Variants in MYC observed in about 807,000 individuals in gnomAD.
The protein encoded by MYC is MYC proto-oncogene, bHLH transcription factor, also known as myc proto-oncogene protein.
In MYC, 1 loss-of-function variant was observed where a neutral mutation model predicts 30.5. That is an observed-to-expected ratio of 0.03 (90% CI 0.01 to 0.16). The LOEUF is 0.16. MYC is among the 10% of genes least tolerant of loss of function. The pLI is 1.00. For synonymous variants in MYC, 267 were observed against 250.7 expected (o/e 1.07, Z -0.62); for missense variants, 508 against 589.0 (o/e 0.86, Z 1.42).
rs1813637633 is a variant in MYC, at chr8:127,738,164, G to A, written c.31-84G>A. On this transcript the variant is annotated intron_variant, in intron 1 of 2. Coordinates refer to ENST00000621592, the MANE Select transcript of MYC (RefSeq NM_002467.6). The surrounding 1 kb of genome is among the most constrained non-coding windows in gnomAD (Gnocchi z 7.6). ...GCAAGGGGAGAGGTTCGGGACTGTG[G>A]CGCGCACTGCGCGCTGCGCCAGGTT... 8.1e-6 allele frequency: 12 copies of A among 1,479,958 alleles called. No individual in the cohort carries two copies. The Admixed American group carries it at 2.2e-4, about 27-fold the overall frequency. The allele number at this position is 1,479,958 out of a possible 1,614,324, so 91.7% of individuals were successfully genotyped here.
rs975108386 is a variant in MYC, at chr8:127,741,136, A to G, written c.*178A>G. On this transcript the variant is annotated 3_prime_UTR_variant, in exon 3 of 3. Transcript: ENST00000621592. ...ACTTTGGGCATAAAAGAACTTTTTT[A>G]TGCTTACCATCTTTTTTTTTTCTTT... is the stretch of plus-strand genomic sequence containing the variant. 1 of 445,618 alleles carries G rather than the reference A, an allele frequency of 2.2e-6. No individual in the cohort carries two copies. Among genetic ancestry groups the G allele is most frequent in the African/African-American group, 2.0e-5 (1 of 49,824 alleles). 27.6% of individuals were successfully genotyped at this position (445,618 alleles called of 1,614,324 possible). A position where few individuals can be genotyped will look rare whatever the true frequency, so the allele number is the denominator to read the frequency against.
chr8:127,737,387 G>A (rs1402982562), intron 1 of MYC, among the ~76,000 whole-genome samples: 1 of 152,176 alleles, frequency 6.6e-6, no homozygotes, highest in African/African-American at 2.4e-5. Context: ...CCCCTGCCGC[G>A]GCCGCCCTCG....
Position 127,738,630 on chromosome 8 carries a change from C to T in MYC, c.413C>T (p.Thr138Ile), listed in dbSNP as rs773098170. ...TTCATCTGCGACCCGGACGACGAGA[C>T]CTTCATCAAAAACATCATCATCCAG... Residue 138 changes from threonine to isoleucine, a missense_variant, in exon 2 of 3, where the codon ACC becomes ATC. Around this residue, in one of 5 missense-constraint regions of MYC, gnomAD observed 364 missense variants for 381.1 expected, o/e 0.96. Transcript: ENST00000621592. The surrounding 1 kb of genome is among the most constrained non-coding windows in gnomAD (Gnocchi z 7.6). 1 of 1,612,986 alleles carries T rather than the reference C, an allele frequency of 6.2e-7. No homozygotes were observed. The highest frequency in any genetic ancestry group is 1.1e-5 in the South Asian group (1 of 90,954).
Position 127,738,166 on chromosome 8 carries a change from G to A in MYC, c.31-82G>A, listed in dbSNP as rs1016210347. On this transcript the variant is annotated intron_variant, in intron 1 of 2. Coordinates refer to ENST00000621592, the MANE Select transcript of MYC (RefSeq NM_002467.6). This position sits in a 1 kb window ranked among gnomAD's most constrained non-coding sequence, Gnocchi z 7.6. The stretch of plus-strand genomic sequence containing the variant: ...AAGGGGAGAGGTTCGGGACTGTGGC[G>A]CGCACTGCGCGCTGCGCCAGGTTTC... 1 of 1,481,908 alleles carries A rather than the reference G, an allele frequency of 6.7e-7. No homozygotes were observed. Among genetic ancestry groups the A allele is most frequent in the Non-Finnish European group, 9.0e-7 (1 of 1,108,704 alleles). 91.8% of individuals were successfully genotyped at this position (1,481,908 alleles called of 1,614,324 possible).
chr8:127,739,214 T>C (rs1482804221), intron 2 of MYC, among the ~76,000 whole-genome samples, 195 bp downstream of exon 2: 1 of 152,214 alleles, frequency 6.6e-6, no homozygotes, highest in Non-Finnish European at 1.5e-5. Flanking sequence ...CTGCCCATGT[T>C]TGCAGCCCCC....
At chr8:127,735,707 G>A (rs3824120), upstream of MYC, 1 of 398,852 alleles carries the variant, frequency 2.5e-6, no homozygotes, top group African/African-American at 2.1e-5. Context: ...GTGCGTTCTC[G>A]GTGTGGAGGG....
chr8:127,736,306 C>CAG lies in MYC; in HGVS notation c.-285_-284dup, dbSNP rs1813587480. On this transcript the variant is annotated 5_prime_UTR_variant, in exon 1 of 3. Transcript: ENST00000621592. ...GGCTAGGGTGGAAGAGCCGGGCGAGCAGAGCTGCGCTGCGGGCGTCCTGGG... is the reference window on the plus strand; with the variant it reads ...GGCTAGGGTGGAAGAGCCGGGCGAGCAGAGAGCTGCGCTGCGGGCGTCCTGGG... 1 of 561,162 alleles carries CAG rather than the reference C, an allele frequency of 1.8e-6. No homozygotes were observed. The highest frequency in any genetic ancestry group is 3.4e-5 in the Admixed American group (1 of 29,600). 34.8% of individuals were successfully genotyped at this position (561,162 alleles called of 1,614,324 possible). A position where few individuals can be genotyped will look rare whatever the true frequency, so the allele number is the denominator to read the frequency against.
In MYC at chr8:127,742,333, C is replaced by A. The variant is rs953234060; in HGVS notation, c.*1375C>A. On this transcript the variant is annotated 3_prime_UTR_variant, in exon 3 of 3. Transcript: ENST00000621592. ...GGAAAAGTGGAAGCGAGATTTGAACCCAGGCTGTTTACTCCTAACCTGTCC... is the reference window on the plus strand; with the variant it reads ...GGAAAAGTGGAAGCGAGATTTGAACACAGGCTGTTTACTCCTAACCTGTCC... Among the ~76,000 whole-genome samples the A allele has an allele frequency of 3.3e-5, 5 of 152,144 alleles. No homozygotes were observed. Among genetic ancestry groups the A allele is most frequent in the Admixed American group, 3.3e-4 (5 of 15,268 alleles).
chr8:127,735,549 C>T, upstream of MYC: 1 of 399,280 alleles, frequency 2.5e-6, no homozygotes, highest in Non-Finnish European at 4.4e-6. Flanking sequence ...CCTATCTACA[C>T]TAACATCCCA....
chr8:127,740,022 G>A (rs1813681397), intron 2 of MYC, among the ~76,000 whole-genome samples: 3 of 149,996 alleles, frequency 2.0e-5, no homozygotes, highest in African/African-American at 7.4e-5. Context: ...CTAGGCTGGA[G>A]TGCAGTGGCG....
At position 127,740,588 on chromosome 8, in the gene MYC, A is replaced by C; in HGVS notation, c.995A>C (p.Lys332Thr). Reference sequence around the variant, plus strand: ...TACGCAGCGCCTCCCTCCACTCGGAAGGACTATCCTGCTGCCAAGAGGGTC... The same window carrying C: ...TACGCAGCGCCTCCCTCCACTCGGACGGACTATCCTGCTGCCAAGAGGGTC... The change falls in exon 3 of 3, where the codon AAG becomes ACG. Residue 332 changes from lysine (K) to threonine (T), a missense_variant. This residue lies in a region of MYC where 364 missense variants were observed against 381.1 expected (regional missense o/e 0.96). Coordinates refer to ENST00000621592, the MANE Select transcript of MYC (RefSeq NM_002467.6). 1 of 1,614,084 alleles carries C rather than the reference A, an allele frequency of 6.2e-7. No homozygotes were observed. Among genetic ancestry groups the C allele is most frequent in the Non-Finnish European group, 8.5e-7 (1 of 1,180,016 alleles).
Position 127,741,464 on chromosome 8 carries a change from C to T in MYC, c.*506C>T, listed in dbSNP as rs991092766. 1.4e-5 allele frequency: 3 copies of T among 207,674 alleles called. No homozygotes were observed. The highest frequency in any genetic ancestry group is 2.3e-5 in the African/African-American group (1 of 44,224). 12.9% of individuals were successfully genotyped at this position (207,674 alleles called of 1,614,324 possible). Reference sequence around the variant, plus strand: ...TGAATGTTTTGTTTCGTTTCTTCCCCCTCCCAACCACCACCATCCCTGTTT... The same window carrying T: ...TGAATGTTTTGTTTCGTTTCTTCCCTCTCCCAACCACCACCATCCCTGTTT... On this transcript the variant is annotated 3_prime_UTR_variant, in exon 3 of 3. Coordinates refer to ENST00000621592, the MANE Select transcript of MYC (RefSeq NM_002467.6).
In MYC at chr8:127,740,246, C is replaced by T. The variant is rs1369107539; in HGVS notation, c.803-150C>T. On this transcript the variant is annotated intron_variant, in intron 2 of 2. Transcript: ENST00000621592. The stretch of plus-strand genomic sequence containing the variant: ...GGGATTACAGGTGTGAGCCAGGGCA[C>T]CAGGCTTAGATGTGGCTCTTTGGGG... 3 of 840,044 alleles carry T rather than the reference C, an allele frequency of 3.6e-6. No individual in the cohort carries two copies. The African/African-American group carries it at 5.2e-5, about 14-fold the overall frequency. The allele number at this position is 840,044 out of a possible 1,614,324, so 52.0% of individuals were successfully genotyped here. A position where few individuals can be genotyped will look rare whatever the true frequency, so the allele number is the denominator to read the frequency against.
intron 2 of MYC, among the ~76,000 whole-genome samples, chr8:127,739,709 T>C (rs575113259): frequency 5.9e-5 from 9 of 152,226 alleles, no homozygotes; most frequent in African/African-American, 2.2e-4. Flanking sequence ...GCTAAAGTCA[T>C]ACCAAGCAAT....
chr8:127,741,200 A>C lies in MYC; in HGVS notation c.*242A>C, dbSNP rs1670417617. On this transcript the variant is annotated 3_prime_UTR_variant, in exon 3 of 3. Coordinates refer to ENST00000621592, the MANE Select transcript of MYC (RefSeq NM_002467.6). ...TTAAGAATTGTTTTTAAAAAATTTTAAGATTTACACAATGTTTCTCTGTAA... is the reference window on the plus strand; with the variant it reads ...TTAAGAATTGTTTTTAAAAAATTTTCAGATTTACACAATGTTTCTCTGTAA... The C allele has an allele frequency of 2.6e-6, 1 of 382,094 alleles. No homozygotes were observed. Among genetic ancestry groups the C allele is most frequent in the East Asian group, 3.8e-5 (1 of 26,040 alleles). 23.7% of individuals were successfully genotyped at this position (382,094 alleles called of 1,614,324 possible). A position where few individuals can be genotyped will look rare whatever the true frequency, so the allele number is the denominator to read the frequency against.
chr8:127,737,090 C>T (rs1175192242), intron 1 of MYC, among the ~76,000 whole-genome samples: 2 of 152,248 alleles, frequency 1.3e-5, no homozygotes, highest in Non-Finnish European at 2.9e-5. Flanking sequence ...TCCGGGAGGG[C>T]ATTTAAATTT....
In MYC at chr8:127,737,185, G is replaced by T. The variant is rs868133399; in HGVS notation, c.30+562G>T. ...CCCCGCGGCGATTCCAACCCGCCCT[G>T]ATCCTTTTAAGAAGTTGGCATTTGG... On this transcript the variant is annotated intron_variant, in intron 1 of 2. Transcript: ENST00000621592. Among the ~76,000 whole-genome samples, 31 of 152,390 alleles carry T rather than the reference G, an allele frequency of 2.0e-4. 1 individual carries two copies. Among genetic ancestry groups the T allele is most frequent in the Middle Eastern group, 3.4e-3 (1 of 294 alleles).
chr8:127,735,917 T>A (rs1813576155), upstream of MYC: 1 of 399,026 alleles, frequency 2.5e-6, no homozygotes, highest in African/African-American at 2.1e-5. Context: ...CCCGGCTGAG[T>A]CTCCTCCCCA....
rs758677772 is a variant in MYC at position 127,738,237 on chromosome 8, C to T, written c.31-11C>T. ...TCAAGACTGCCTCCCGCTTTGTGTG[C>T]CCCGCTCCAGCAGCCTCCCGCGACG... On this transcript the variant is annotated splice_polypyrimidine_tract_variant and intron_variant, in intron 1 of 2. Coordinates refer to ENST00000621592, the MANE Select transcript of MYC (RefSeq NM_002467.6). This position sits in a 1 kb window ranked among gnomAD's most constrained non-coding sequence, Gnocchi z 7.6. 4.5e-6 allele frequency: 7 copies of T among 1,568,136 alleles called. No individual in the cohort carries two copies. The highest frequency in any genetic ancestry group is 2.3e-5 in the East Asian group (1 of 44,330).
Sources: gnomAD v4.1 joint callset for allele counts (sites outside exome capture counted in the v4.1 genomes callset) on GRCh38, gnomAD v4.1.1 for gene constraint, gnomAD v4.1.1 regional missense constraint, Gnocchi (gnomAD v3.1) non-coding constraint, MANE v1.5 for transcripts, NCBI Gene and HGNC (gene_info 2026-07-23, HGNC 2026-07-21) for gene names.